COP1: variants seen among roughly 807,000 people sequenced by gnomAD.
COP1 encodes E3 ubiquitin-protein ligase COP1.
In COP1, 24 loss-of-function variants were observed where a neutral mutation model predicts 101.3. The ratio of observed to expected loss-of-function variants is 0.24; its 90% CI spans 0.17 to 0.33. The LOEUF (loss-of-function observed/expected upper bound fraction) is 0.33. Ranked by LOEUF, COP1 falls within the 10% of genes least tolerant of loss-of-function variation. The probability of loss-of-function intolerance (pLI) is 1.00; values close to 1 mark genes in which losing one functional copy is unlikely to be tolerated. For missense variants in COP1, 663 were observed against 906.2 expected, an observed-to-expected ratio of 0.73 and a Z score of 3.45; for synonymous variants, 347 against 341.9, an observed-to-expected ratio of 1.01 and a Z score of -0.17.
intron 15 of COP1, among the ~76,000 whole-genome samples, chr1:176,014,528 T>C (rs975990468): frequency 1.3e-5 from 2 of 152,198 alleles, no homozygotes; most frequent in Non-Finnish European, 2.9e-5. Context: ...TAAGGCTATA[T>C]GGACATTTAA....
chr1:176,157,996 T>C (rs1693724803), intron 5 of COP1, among the ~76,000 whole-genome samples: 1 of 151,986 alleles, frequency 6.6e-6, no homozygotes, highest in Admixed American at 6.6e-5. Context: ...ATAAAAATAT[T>C]TGAAGAAATA....
chr1:176,036,158 A>G (rs1295083551), intron 14 of COP1, among the ~76,000 whole-genome samples: 1 of 152,096 alleles, frequency 6.6e-6, no homozygotes, highest in Non-Finnish European at 1.5e-5. Flanking sequence ...AAAATTTGCT[A>G]AAGTAGTGCT....
At chr1:176,175,250 T>C (rs1558260855) in intron 3 of COP1, among the ~76,000 whole-genome samples, 1 of 152,092 alleles carries the variant, frequency 6.6e-6, no homozygotes, top group East Asian at 1.9e-4. Flanking sequence ...GCAGAAACAG[T>C]AGGGATGTAT....
intron 8 of COP1, among the ~76,000 whole-genome samples, chr1:176,118,895 C>A (rs1486346437): frequency 8.6e-5 from 13 of 152,008 alleles, no homozygotes; most frequent in African/African-American, 3.1e-4. Flanking sequence ...TCACAAGTAC[C>A]CTCATAAACA....
intron 2 of COP1, 134 bp from the exon 3 acceptor site, chr1:176,176,141 T>A (rs471534): frequency 1.8e-6 from 1 of 552,542 alleles, no homozygotes; most frequent in Non-Finnish European, 3.2e-6. Flanking sequence ...TTTTTGCTTA[T>A]ATTTTTACAT....
Position 176,176,022 on chromosome 1 carries a change from G to A in COP1, c.468-15C>T. ...TACACTTGTAGCTATTAGTAGGGGG[G>A]GAAAAAAAAGGCTTAATTAAATCAA... On this transcript the variant is annotated splice_polypyrimidine_tract_variant and intron_variant, in intron 2 of 19. Transcript: ENST00000367669. 1.7e-6 allele frequency: 2 copies of A among 1,211,722 alleles called. No individual in the cohort carries two copies. The highest frequency in any genetic ancestry group is 1.5e-5 in the African/African-American group (1 of 65,202). 75.1% of individuals were successfully genotyped at this position (1,211,722 alleles called of 1,614,324 possible). A position where few individuals can be genotyped will look rare whatever the true frequency, so the allele number is the denominator to read the frequency against.
intron 5 of COP1, among the ~76,000 whole-genome samples, chr1:176,161,785 T>C (rs1694367860): frequency 6.6e-6 from 1 of 152,060 alleles, no homozygotes; most frequent in Admixed American, 6.6e-5. Context: ...GAAATTCCCA[T>C]TTACCCGACC....
chr1:176,055,263 G>A (rs148320301), intron 11 of COP1, among the ~76,000 whole-genome samples: 24 of 152,272 alleles, frequency 1.6e-4, no homozygotes, highest in African/African-American at 4.6e-4. Context: ...ATGAAATCCA[G>A]CCTCTACCAA....
intron 8 of COP1, among the ~76,000 whole-genome samples, chr1:176,121,037 A>G (rs1687036885): frequency 6.6e-6 from 1 of 151,914 alleles, no homozygotes; most frequent in South Asian, 2.1e-4. Flanking sequence ...AAATTAGACT[A>G]TTATCATTGA....
At chr1:175,979,178 T>C (rs1318190358) in intron 18 of COP1, among the ~76,000 whole-genome samples, 1 of 152,146 alleles carries the variant, frequency 6.6e-6, no homozygotes, top group African/African-American at 2.4e-5. Flanking sequence ...TACAGATCTA[T>C]ACCCTCCTCC....
At chr1:176,141,210 A>C (rs1454853450) in intron 6 of COP1, among the ~76,000 whole-genome samples, 1 of 152,236 alleles carries the variant, frequency 6.6e-6, no homozygotes, top group African/African-American at 2.4e-5. Context: ...TGATTTTAAA[A>C]ATCGAGCAAG....
chr1:175,958,460 AT>A (rs1424990321), intron 18 of COP1, among the ~76,000 whole-genome samples: 1 of 151,950 alleles, frequency 6.6e-6, no homozygotes, highest in African/African-American at 2.4e-5. Flanking sequence ...AAAGGTAAAT[AT>A]TTTTGTCATT....
chr1:176,034,978 CAATTT>C (rs976353976), intron 14 of COP1, among the ~76,000 whole-genome samples: 5 of 152,162 alleles, frequency 3.3e-5, no homozygotes, highest in Admixed American at 6.5e-5. Flanking sequence ...ATTTCCCACA[CAATTT>C]AAACAGGACC....
intron 8 of COP1, among the ~76,000 whole-genome samples, chr1:176,134,376 T>A (rs961215011): frequency 1.3e-5 from 2 of 152,028 alleles, no homozygotes; most frequent in African/African-American, 4.8e-5. Context: ...TTTCATGAAG[T>A]AGGTTTTACA....
chr1:176,195,698 G>T (rs1278458670), intron 1 of COP1, among the ~76,000 whole-genome samples: 1 of 152,134 alleles, frequency 6.6e-6, no homozygotes, highest in African/African-American at 2.4e-5. Context: ...TTAAACAACT[G>T]CAGCCATAAA....
intron 14 of COP1, among the ~76,000 whole-genome samples, chr1:176,041,346 T>TTTTTTTCTTTTTTTC (rs1553234218): frequency 6.9e-6 from 1 of 145,632 alleles, no homozygotes; most frequent in African/African-American, 2.5e-5. Context: ...ATTTTTTTTC[T>TTTTTTTCTTTTTTTC]TTTTTTCTTT....
In COP1 at chr1:175,979,570, T is replaced by C. The variant is rs142236048; in HGVS notation, c.2133+7373A>G. 8.6e-5 allele frequency among the ~76,000 whole-genome samples: 13 copies of C among 150,994 alleles called. No individual in the cohort carries two copies. In the East Asian group the frequency reaches 1.9e-3, roughly 23 times the overall value. The stretch of plus-strand genomic sequence containing the variant: ...AAGGGAAGGGAGAACATAATATAAA[T>C]GTAATAAAAATATTAAGCCAATAAT... On this transcript the variant is annotated intron_variant, in intron 18 of 19. Coordinates refer to ENST00000367669, the MANE Select transcript of COP1 (RefSeq NM_022457.7).
chr1:175,993,081 T>C (rs929537277), intron 15 of COP1, among the ~76,000 whole-genome samples: 12 of 152,040 alleles, frequency 7.9e-5, no homozygotes, highest in African/African-American at 2.9e-4. Context: ...GGACTTGCGG[T>C]TCACGAAAAG....
intron 6 of COP1, among the ~76,000 whole-genome samples, chr1:176,140,970 G>A (rs536480901): frequency 2.0e-5 from 3 of 152,194 alleles, no homozygotes; most frequent in African/African-American, 7.2e-5. Context: ...GAGTAAGTAA[G>A]TCTCAGAATC....
Sources: allele counts gnomAD v4.1 joint callset (sites outside exome capture counted in the v4.1 genomes callset), GRCh38; gene constraint gnomAD v4.1.1; transcripts MANE v1.5; gene names NCBI Gene and HGNC (gene_info 2026-07-23, HGNC 2026-07-21).